SHISAL2A: variants seen among roughly 807,000 people sequenced by gnomAD.
SHISAL2A encodes the protein shisa like 2A.
Under a neutral mutation model 11.5 loss-of-function variants are expected in SHISAL2A, and 18 were observed. The observed-to-expected ratio is 1.57, with a 90% CI of 1.08 to 2.33. SHISAL2A has a LOEUF of 2.33. Ranked by LOEUF, SHISAL2A falls within the 30% of genes most tolerant of loss-of-function variation. The pLI is 0.00. For synonymous variants in SHISAL2A, 94 were observed against 99.6 expected, an observed-to-expected ratio of 0.94 and a Z score of 0.34; for missense variants, 261 against 250.9, an observed-to-expected ratio of 1.04 and a Z score of -0.27.
chr1:52,638,029 G>C (rs1159464082), intron 1 of SHISAL2A, among the ~76,000 whole-genome samples: 1 of 152,114 alleles, frequency 6.6e-6, no homozygotes, highest in East Asian at 1.9e-4. Flanking sequence ...ATTCACCATG[G>C]AACAACTCGG....
chr1:52,663,057 C>T (rs1691939533), intron 4 of SHISAL2A, among the ~76,000 whole-genome samples: 1 of 152,142 alleles, frequency 6.6e-6, no homozygotes, highest in Non-Finnish European at 1.5e-5. Context: ...TTCTCAAGCC[C>T]CGCCTTCTCT....
intron 1 of SHISAL2A, among the ~76,000 whole-genome samples, chr1:52,639,769 C>T (rs750044198): frequency 6.6e-6 from 1 of 151,932 alleles, no homozygotes; most frequent in Non-Finnish European, 1.5e-5. Context: ...CAAAACAAAA[C>T]ATATTAAAAT....
intron 2 of SHISAL2A, among the ~76,000 whole-genome samples, chr1:52,655,865 C>G (rs1691780615): frequency 6.6e-6 from 1 of 152,092 alleles, no homozygotes; most frequent in Non-Finnish European, 1.5e-5. Flanking sequence ...GATGGAGGGG[C>G]CCCCACTGGA....
chr1:52,640,123 A>T (rs575105907), intron 1 of SHISAL2A: 1 of 152,084 alleles, frequency 6.6e-6, no homozygotes, highest in African/African-American at 2.4e-5. Flanking sequence ...AGGTCTCTAT[A>T]TATGCTATAC....
At chr1:52,637,929 ATC>A (rs1691273178) in intron 1 of SHISAL2A, among the ~76,000 whole-genome samples, 1 of 152,080 alleles carries the variant, frequency 6.6e-6, no homozygotes, top group Non-Finnish European at 1.5e-5. Flanking sequence ...CAGGGTAGGA[ATC>A]TCTAACTTCA....
At chr1:52,647,111 G>A (rs969109423) in intron 2 of SHISAL2A, among the ~76,000 whole-genome samples, 2 of 152,220 alleles carry the variant, frequency 1.3e-5, no homozygotes, top group African/African-American at 4.8e-5. Flanking sequence ...TGGGATTACA[G>A]GTGTGAGCCA....
chr1:52,662,650 C>A (rs1691930966), intron 4 of SHISAL2A, among the ~76,000 whole-genome samples: 1 of 151,848 alleles, frequency 6.6e-6, no homozygotes, highest in South Asian at 2.1e-4. Context: ...CGCCCCCCCA[C>A]CCTTTCTGTT....
intron 4 of SHISAL2A, among the ~76,000 whole-genome samples, chr1:52,663,931 G>A (rs1465072321): frequency 6.6e-6 from 1 of 152,038 alleles, no homozygotes; most frequent in African/African-American, 2.4e-5. Context: ...AAAAGCTATC[G>A]CAGAATGTAC....
Position 52,633,753 on chromosome 1 carries a change from G to A in SHISAL2A, c.182+78G>A, listed in dbSNP as rs1324411701. The A allele has an allele frequency of 3.3e-6, 4 of 1,227,582 alleles. No individual in the cohort carries two copies. The highest frequency in any genetic ancestry group is 2.5e-5 in the South Asian group (2 of 79,322). 76.0% of individuals were successfully genotyped at this position (1,227,582 alleles called of 1,614,324 possible). On this transcript the variant is annotated intron_variant, in intron 1 of 2. Transcript: ENST00000517870. This position sits in a 1 kb window ranked among gnomAD's most constrained non-coding sequence, Gnocchi z 6.4. Reference sequence around the variant, plus strand: ...TTCACCCCAGCCTCAGCCCCCACCCGAGTGTCCACCTGAACATCAGCAGCA... The same window carrying A: ...TTCACCCCAGCCTCAGCCCCCACCCAAGTGTCCACCTGAACATCAGCAGCA...
chr1:52,653,372 AT>A (rs1168458543), intron 2 of SHISAL2A, among the ~76,000 whole-genome samples: 1 of 148,078 alleles, frequency 6.8e-6, no homozygotes, highest in Non-Finnish European at 1.5e-5. Context: ...AGATGGGAGG[AT>A]TGCTTTAGCC....
intron 4 of SHISAL2A, among the ~76,000 whole-genome samples, chr1:52,665,412 A>T (rs1252023857): frequency 1.3e-5 from 2 of 152,102 alleles, no homozygotes; most frequent in Admixed American, 1.3e-4. Flanking sequence ...CAGCAGGAGG[A>T]TCCCACTCCC....
intron 2 of SHISAL2A, among the ~76,000 whole-genome samples, chr1:52,650,357 G>A (rs770728485): frequency 6.6e-5 from 10 of 152,202 alleles, no homozygotes; most frequent in Non-Finnish European, 1.0e-4. Flanking sequence ...ACAGCGCTGG[G>A]CAGAGATGCC....
chr1:52,660,323 C>T (rs1691878373), downstream of SHISAL2A, among the ~76,000 whole-genome samples: 2 of 152,098 alleles, frequency 1.3e-5, no homozygotes. Context: ...CTCCCTGCCC[C>T]CCAACAGCTC....
At chr1:52,651,370 G>A (rs1343846598) in intron 2 of SHISAL2A, among the ~76,000 whole-genome samples, 1 of 151,792 alleles carries the variant, frequency 6.6e-6, no homozygotes, top group East Asian at 1.9e-4. Flanking sequence ...CCAAGTAGCT[G>A]GGATTACAGG....
intron 1 of SHISAL2A, 29 bp from the exon 2 acceptor site, chr1:52,642,834 T>C (rs1328713066): frequency 2.5e-6 from 4 of 1,611,318 alleles, no homozygotes; most frequent in Non-Finnish European, 3.4e-6. Flanking sequence ...TTCCTGACTC[T>C]CAGCTCCCAT....
intron 4 of SHISAL2A, among the ~76,000 whole-genome samples, chr1:52,665,835 A>G (rs1326299977): frequency 1.3e-5 from 2 of 152,032 alleles, no homozygotes; most frequent in African/African-American, 4.8e-5. Flanking sequence ...ATGGCCTCAC[A>G]GGCAGCTGCT....
chr1:52,640,611 CA>C lies in SHISAL2A; in HGVS notation c.183-2241del, dbSNP rs111376094. 2.5e-3 allele frequency among the ~76,000 whole-genome samples: 338 copies of C among 137,006 alleles called. 2 individuals carry two copies. Among genetic ancestry groups the C allele is most frequent in the East Asian group, 0.016 (77 of 4,772 alleles). 89.9% of individuals were successfully genotyped at this position (137,006 alleles called of 152,430 possible). On this transcript the variant is annotated intron_variant, in intron 1 of 2. Transcript: ENST00000517870. Reference sequence around the variant, plus strand: ...GGAGAATCAAGACTCTGTCTCAAAACAAAAAAAAAAACAAACAAAAAAAAAC... The same window carrying C: ...GGAGAATCAAGACTCTGTCTCAAAACAAAAAAAAAACAAACAAAAAAAAAC...
At chr1:52,641,989 A>G (rs1407768182) in intron 1 of SHISAL2A, among the ~76,000 whole-genome samples, 1 of 152,190 alleles carries the variant, frequency 6.6e-6, no homozygotes, top group East Asian at 1.9e-4. Flanking sequence ...CTGTGGTCCC[A>G]GCCATTTGGG....
intron 2 of SHISAL2A, among the ~76,000 whole-genome samples, chr1:52,645,617 C>A (rs1691483862): frequency 6.6e-6 from 1 of 152,188 alleles, no homozygotes; most frequent in Admixed American, 6.6e-5. Context: ...CCGTCCTGCT[C>A]AGGCTAGTCT....
Sources: gnomAD v4.1 joint callset for allele counts (sites outside exome capture counted in the v4.1 genomes callset) on GRCh38, gnomAD v4.1.1 for gene constraint, Gnocchi (gnomAD v3.1) non-coding constraint, MANE v1.5 for transcripts, NCBI Gene and HGNC (gene_info 2026-07-23, HGNC 2026-07-21) for gene names.